The following FREM2 variants were observed in gnomAD, a reference collection of about 807,000 sequenced individuals.
The protein encoded by FREM2 is FRAS1-related extracellular matrix protein 2.
Under a neutral mutation model 219.9 loss-of-function variants are expected in FREM2, and 119 were observed. The observed-to-expected ratio is 0.54, with a 90% CI of 0.47 to 0.63. FREM2 has a LOEUF of 0.63. FREM2 is among the 30% of genes least tolerant of loss of function. The pLI is 0.00. For synonymous variants in FREM2, 1,562 were observed against 1,522.8 expected (o/e 1.03, Z -0.60); for missense variants, 4,030 against 3,993.6 (o/e 1.01, Z -0.25).
At chr13:38,705,059 C>A (rs1870486197) in intron 2 of FREM2, among the ~76,000 whole-genome samples, 1 of 152,132 alleles carries the variant, frequency 6.6e-6, no homozygotes, top group African/African-American at 2.4e-5. Flanking sequence ...CAAACTAAAT[C>A]ATTTTAAAGA....
At chr13:38,812,857 T>G (rs774756719) in intron 6 of FREM2, among the ~76,000 whole-genome samples, 1 of 149,822 alleles carries the variant, frequency 6.7e-6, no homozygotes, top group Non-Finnish European at 1.5e-5. Flanking sequence ...CACTCCAGTC[T>G]GGGTGACAGA....
intron 4 of FREM2, among the ~76,000 whole-genome samples, chr13:38,781,372 GC>G: frequency 6.6e-6 from 1 of 151,774 alleles, no homozygotes; most frequent in Admixed American, 6.6e-5. Context: ...TGTATCTTAG[GC>G]CCCTCTACTC....
Position 38,756,524 on chromosome 13 carries a change from CTTTT to C in FREM2, c.5264-7762_5264-7759del, listed in dbSNP as rs1187227144. On this transcript the variant is annotated intron_variant, in intron 2 of 23. Coordinates refer to ENST00000280481, the MANE Select transcript of FREM2 (RefSeq NM_207361.6). ...CTGCTTCAGCACTATGGTTGGGGAC[CTTTT>C]TTTTTTTTTTTTTTTTTGAGACGGA... Among the ~76,000 whole-genome samples, 59 of 103,514 alleles carry C rather than the reference CTTTT, an allele frequency of 5.7e-4. 1 individual carries two copies. The South Asian group carries it at 0.019, about 33-fold the overall frequency. The allele number at this position is 103,514 out of a possible 152,430, so 67.9% of individuals were successfully genotyped here.
At chr13:38,770,387 A>G (rs1380280416) in intron 4 of FREM2, among the ~76,000 whole-genome samples, 1 of 151,782 alleles carries the variant, frequency 6.6e-6, no homozygotes, top group Admixed American at 6.6e-5. Flanking sequence ...AAGTAAATGA[A>G]CTACCCATAG....
At chr13:38,805,254 G>A (rs1325636263) in intron 6 of FREM2, among the ~76,000 whole-genome samples, 1 of 151,302 alleles carries the variant, frequency 6.6e-6, no homozygotes, top group Non-Finnish European at 1.5e-5. Flanking sequence ...GGGTAAGGAG[G>A]TGAGGCTAGA....
chr13:38,831,491 T>C (rs576041021), intron 6 of FREM2, among the ~76,000 whole-genome samples: 1 of 152,186 alleles, frequency 6.6e-6, no homozygotes, highest in Non-Finnish European at 1.5e-5. Context: ...TCTAGACATG[T>C]ATTGACTTTT....
At chr13:38,762,669 C>T (rs1018953312) in intron 2 of FREM2, among the ~76,000 whole-genome samples, 1 of 152,008 alleles carries the variant, frequency 6.6e-6, no homozygotes, top group African/African-American at 2.4e-5. Context: ...GAACTCCCGA[C>T]CTCAGGTGAT....
At chr13:38,757,690 G>C (rs902532494) in intron 2 of FREM2, among the ~76,000 whole-genome samples, 1 of 151,840 alleles carries the variant, frequency 6.6e-6, no homozygotes, top group Non-Finnish European at 1.5e-5. Flanking sequence ...CACCTCCCAG[G>C]TTCAAGCAAT....
chr13:38,857,764 C>T (rs1877614055), intron 12 of FREM2, 111 bp from the exon 13 acceptor site: 1 of 897,328 alleles, frequency 1.1e-6, no homozygotes, highest in Non-Finnish European at 1.8e-6. Flanking sequence ...TGACAATTTG[C>T]ATCATAACGA....
intron 15 of FREM2, 108 bp from the exon 16 acceptor site, chr13:38,864,167 G>A: frequency 3.5e-6 from 3 of 854,754 alleles, no homozygotes; most frequent in Non-Finnish European, 5.7e-6. Flanking sequence ...CACCACTGCT[G>A]TATGGCATTT....
At position 38,713,046 on chromosome 13, in the gene FREM2, A is replaced by G. The variant is rs61471123; in HGVS notation, c.5263+15259A>G. ...TCACAACCTGCTATTTTTCATTTAC[A>G]ATATCTAATTTGACCCTCTTTTGCA... On this transcript the variant is annotated intron_variant, in intron 2 of 23. Coordinates refer to ENST00000280481, the MANE Select transcript of FREM2 (RefSeq NM_207361.6). Among the ~76,000 whole-genome samples the G allele has an allele frequency of 9.3e-3, 1,413 of 152,172 alleles. 20 individuals carry two copies. The highest frequency in any genetic ancestry group is 0.032 in the African/African-American group (1,331 of 41,488).
intron 6 of FREM2, among the ~76,000 whole-genome samples, chr13:38,813,549 CTCTCTCTCTCTCTCTATATATA>C (rs1875618333): frequency 3.2e-5 from 1 of 31,394 alleles, no homozygotes; most frequent in Non-Finnish European, 5.2e-5. Context: ...CTCTCTCTCT[CTCTCTCTCTCTCTCTATATATA>C]TATATATATA....
intron 6 of FREM2, among the ~76,000 whole-genome samples, chr13:38,811,784 A>T (rs932955144): frequency 2.6e-5 from 4 of 152,046 alleles, no homozygotes; most frequent in Non-Finnish European, 4.4e-5. Context: ...CAGTTGTTGG[A>T]TAAATGTAAA....
intron 2 of FREM2, among the ~76,000 whole-genome samples, chr13:38,719,639 C>G (rs1017775985): frequency 1.3e-5 from 2 of 152,130 alleles, no homozygotes; most frequent in Non-Finnish European, 2.9e-5. Flanking sequence ...CTCTTCATCT[C>G]GAGGCAAGTT....
At chr13:38,697,859 T>G (rs1870181189) in intron 2 of FREM2, 72 bp downstream of exon 2, 1 of 839,020 alleles carries the variant, frequency 1.2e-6, no homozygotes, top group South Asian at 1.4e-5. Context: ...GATGACATTA[T>G]TACAAGAAGT....
chr13:38,880,743 A>C lies in FREM2; in HGVS notation c.9466A>C (p.Met3156Leu), dbSNP rs965436810. 2 of 1,614,196 alleles carry C rather than the reference A, an allele frequency of 1.2e-6. No individual in the cohort carries two copies. The highest frequency in any genetic ancestry group is 2.2e-5 in the East Asian group (1 of 44,880). The part of the protein sequence containing the change: ...APKGSSSSEP[M>L]VPPQSHHNDS... The stretch of plus-strand genomic sequence containing the variant: ...GAAAGGCTCCAGCAGCAGTGAGCCC[A>C]TGGTGCCCCCACAGAGCCATCACAA... Residue 3156 changes from methionine (M) to leucine (L), a missense_variant, in exon 24 of 24, where the codon ATG becomes CTG. By Grantham distance (15) the Met-to-Leu change is conservative. Transcript: ENST00000280481.
At chr13:38,878,671 A>T (rs1210294656) in intron 22 of FREM2, among the ~76,000 whole-genome samples, 160 bp from the exon 23 acceptor site, 5 of 151,566 alleles carry the variant, frequency 3.3e-5, no homozygotes, top group African/African-American at 1.2e-4. Context: ...CCCGTCTCTT[A>T]AAAAAAATAG....
At chr13:38,857,459 G>T (rs1877603187) in intron 12 of FREM2, among the ~76,000 whole-genome samples, 1 of 152,218 alleles carries the variant, frequency 6.6e-6, no homozygotes, top group South Asian at 2.1e-4. Context: ...ACTATCCCAT[G>T]ACCTCTGTGA....
Position 38,877,199 on chromosome 13 carries a change from G to T in FREM2, c.8627G>T (p.Gly2876Val). 6.2e-7 allele frequency: 1 copy of T among 1,614,076 alleles called. No homozygotes were observed. Reference protein sequence around the residue: ...LSKKSLWLSDGSMGFGQESDV... With the variant: ...LSKKSLWLSDVSMGFGQESDV... ...AAGAAGAGTCTCTGGTTGTCTGATG[G>T]ATCCATGGGATTCGGGCAAGAGAGT... Residue 2876 changes from glycine to valine, a missense_variant, in exon 21 of 24, where the codon GGA becomes GTA. Transcript: ENST00000280481.
Sources: allele counts gnomAD v4.1 joint callset (sites outside exome capture counted in the v4.1 genomes callset), GRCh38; gene constraint gnomAD v4.1.1; transcripts MANE v1.5; gene names NCBI Gene and HGNC (gene_info 2026-07-23, HGNC 2026-07-21).